FSTL4: variants seen among roughly 807,000 people sequenced by gnomAD.
The protein encoded by FSTL4 is follistatin like 4.
A neutral mutation model predicts 78.2 loss-of-function variants in FSTL4; 28 were observed. That is an observed-to-expected ratio of 0.36 (90% confidence interval 0.27 to 0.49). The LOEUF (loss-of-function observed/expected upper bound fraction) is 0.49. Ranked by LOEUF, FSTL4 falls within the 20% of genes least tolerant of loss-of-function variation. The pLI, the probability that FSTL4 is intolerant of heterozygous loss-of-function variation, is 0.98. For synonymous variants in FSTL4, 422 were observed against 440.5 expected, an observed-to-expected ratio of 0.96 and a Z score of 0.53; for missense variants, 922 against 1,084.9, an observed-to-expected ratio of 0.85 and a Z score of 2.11.
At chr5:133,666,845 T>C in the FSTL4 span, among the ~76,000 whole-genome samples, 1 of 152,250 alleles carries the variant, frequency 6.6e-6, no homozygotes, top group Non-Finnish European at 1.5e-5. Context: ...TTAAGTGTTG[T>C]CTTTTACTTT....
chr5:133,496,152 C>A (rs1758363594), intron 3 of FSTL4, among the ~76,000 whole-genome samples: 1 of 152,200 alleles, frequency 6.6e-6, no homozygotes, highest in African/African-American at 2.4e-5. Context: ...ACAGCATGTG[C>A]TCTGACATCC....
At chr5:133,471,461 G>A (rs1757825748) in intron 3 of FSTL4, among the ~76,000 whole-genome samples, 2 of 152,108 alleles carry the variant, frequency 1.3e-5, no homozygotes, top group Non-Finnish European at 2.9e-5. Flanking sequence ...CAGGAGAGTG[G>A]AATTCTCATG....
At chr5:133,776,183 T>C in the FSTL4 span, among the ~76,000 whole-genome samples, 1 of 152,208 alleles carries the variant, frequency 6.6e-6, no homozygotes, top group Non-Finnish European at 1.5e-5. Flanking sequence ...CTACAGAGAC[T>C]ATATCACCCA....
At chr5:133,799,579 C>G in the FSTL4 span, among the ~76,000 whole-genome samples, 3 of 138,654 alleles carry the variant, frequency 2.2e-5, no homozygotes, top group Non-Finnish European at 4.8e-5. Context: ...CACTCAGACT[C>G]AGAGACATGG....
chr5:133,737,271 C>T, the FSTL4 span, among the ~76,000 whole-genome samples: 3 of 151,604 alleles, frequency 2.0e-5, no homozygotes, highest in African/African-American at 7.3e-5. Flanking sequence ...CCCTTCCCAG[C>T]CTCTGGTAAC....
intron 6 of FSTL4, among the ~76,000 whole-genome samples, chr5:133,301,638 A>T (rs1374558004): frequency 6.6e-6 from 1 of 152,146 alleles, no homozygotes; most frequent in African/African-American, 2.4e-5. Flanking sequence ...TGCAGTCCCA[A>T]CAAGTATATA....
At chr5:133,461,216 AATC>A (rs1406266500) in intron 3 of FSTL4, among the ~76,000 whole-genome samples, 1 of 152,186 alleles carries the variant, frequency 6.6e-6, no homozygotes, top group Non-Finnish European at 1.5e-5. Context: ...TAAAATTGCC[AATC>A]TAAAGGGACA....
chr5:133,820,802 A>G, the FSTL4 span, among the ~76,000 whole-genome samples: 5 of 152,342 alleles, frequency 3.3e-5, 1 homozygote, highest in African/African-American at 1.2e-4. Context: ...CCAAGGAAGA[A>G]CCAAGACATG....
intron 3 of FSTL4, among the ~76,000 whole-genome samples, chr5:133,406,365 C>T (rs1348921183): frequency 6.6e-6 from 1 of 152,182 alleles, no homozygotes; most frequent in African/African-American, 2.4e-5. Flanking sequence ...AAAGTTTCAC[C>T]CTGCCCAACT....
chr5:133,602,260 CA>C (rs909130919), intron 2 of FSTL4, among the ~76,000 whole-genome samples: 4 of 152,098 alleles, frequency 2.6e-5, no homozygotes, highest in Non-Finnish European at 4.4e-5. Flanking sequence ...GCAGGGGTTG[CA>C]GGGGAGCAAG....
chr5:133,524,191 GGA>G (rs1282560396), intron 3 of FSTL4, among the ~76,000 whole-genome samples: 9 of 152,224 alleles, frequency 5.9e-5, no homozygotes, highest in African/African-American at 2.2e-4. Flanking sequence ...ATGGGAAGCT[GGA>G]GAGAGAGATG....
At chr5:133,740,474 C>T in the FSTL4 span, among the ~76,000 whole-genome samples, 3 of 152,178 alleles carry the variant, frequency 2.0e-5, no homozygotes, top group African/African-American at 4.8e-5. Context: ...CACTCCTCAC[C>T]GCAGGCCACG....
the FSTL4 span, among the ~76,000 whole-genome samples, chr5:133,798,976 G>T: frequency 7.2e-6 from 1 of 138,632 alleles, no homozygotes; most frequent in African/African-American, 2.8e-5. Flanking sequence ...GAGGAAGGGA[G>T]GGAGGGAGGG....
At chr5:133,451,895 T>C (rs539057755) in intron 3 of FSTL4, among the ~76,000 whole-genome samples, 1 of 152,354 alleles carries the variant, frequency 6.6e-6, no homozygotes, top group East Asian at 1.9e-4. Context: ...AGATTGCGCA[T>C]GAGCTATAGG....
chr5:133,753,247 A>G, the FSTL4 span, among the ~76,000 whole-genome samples: 2 of 152,182 alleles, frequency 1.3e-5, no homozygotes, highest in Admixed American at 6.5e-5. Context: ...CAAACAGGGA[A>G]ATGAGATCTG....
chr5:133,253,889 T>C (rs141168745), intron 6 of FSTL4, among the ~76,000 whole-genome samples: 4 of 152,292 alleles, frequency 2.6e-5, no homozygotes, highest in African/African-American at 9.6e-5. Context: ...CCCATGGCAT[T>C]TGTGTCTTCA....
chr5:133,710,761 C>G, the FSTL4 span, among the ~76,000 whole-genome samples: 8 of 152,166 alleles, frequency 5.3e-5, no homozygotes. Context: ...GGCAAATAAC[C>G]AATATTTGAA....
intron 4 of FSTL4, among the ~76,000 whole-genome samples, chr5:133,339,597 A>T (rs1754541283): frequency 6.6e-6 from 1 of 152,166 alleles, no homozygotes; most frequent in Non-Finnish European, 1.5e-5. Flanking sequence ...TGCCAGATAA[A>T]CAAAGGAACG....
At chr5:133,767,820 A>G in the FSTL4 span, among the ~76,000 whole-genome samples, 11 of 152,178 alleles carry the variant, frequency 7.2e-5, no homozygotes, top group Non-Finnish European at 1.6e-4. Flanking sequence ...AGTAAGGTGG[A>G]TGGGTCACAG....
Sources: allele counts gnomAD v4.1 joint callset (sites outside exome capture counted in the v4.1 genomes callset), GRCh38; gene constraint gnomAD v4.1.1; transcripts MANE v1.5; gene names NCBI Gene and HGNC (gene_info 2026-07-23, HGNC 2026-07-21).